Variants in LRBA observed in about 807,000 individuals in gnomAD.
LRBA encodes LPS responsive beige-like anchor protein.
Under a neutral mutation model 330.0 loss-of-function variants are expected in LRBA, and 176 were observed. That is an observed-to-expected ratio of 0.53 (90% CI 0.47 to 0.60). The LOEUF (loss-of-function observed/expected upper bound fraction) is 0.60. Ranked by LOEUF, LRBA falls within the 20% of genes least tolerant of loss-of-function variation. The probability of loss-of-function intolerance (pLI) is 0.00; values close to 1 mark genes in which losing one functional copy is unlikely to be tolerated. For missense variants in LRBA, 3,259 were observed against 3,444.8 expected, an observed-to-expected ratio of 0.95 and a Z score of 1.35; for synonymous variants, 1,230 against 1,193.0, an observed-to-expected ratio of 1.03 and a Z score of -0.64.
intron 51 of LRBA, 141 bp downstream of exon 51, chr4:150,315,420 T>C (rs2126899175): frequency 1.3e-6 from 1 of 742,804 alleles, no homozygotes; most frequent in South Asian, 1.5e-5. Context: ...CCACAGCTCA[T>C]TGCATTCCAA....
intron 22 of LRBA, among the ~76,000 whole-genome samples, chr4:150,860,634 T>C (rs1751783842): frequency 6.6e-6 from 1 of 152,114 alleles, no homozygotes; most frequent in Non-Finnish European, 1.5e-5. Context: ...GAGACCATCC[T>C]GGCTAACATG....
intron 37 of LRBA, among the ~76,000 whole-genome samples, chr4:150,668,643 T>C (rs1157623982): frequency 2.6e-5 from 4 of 152,202 alleles, no homozygotes; most frequent in African/African-American, 7.2e-5. Flanking sequence ...TTGTGTACAA[T>C]TCACAGCACA....
chr4:150,803,081 T>C (rs867108182), intron 33 of LRBA, among the ~76,000 whole-genome samples: 42 of 111,022 alleles, frequency 3.8e-4, no homozygotes, highest in African/African-American at 1.5e-3. Context: ...AAAAAATATA[T>C]ATACACACAC....
chr4:150,775,412 G>C (rs1008976211), intron 34 of LRBA, among the ~76,000 whole-genome samples: 4 of 148,104 alleles, frequency 2.7e-5, no homozygotes, highest in African/African-American at 1.0e-4. Flanking sequence ...ATCCACAAAT[G>C]TTCAATCAAC....
Position 151,014,736 on chromosome 4 carries a change from G to A in LRBA, c.-94C>T, listed in dbSNP as rs1176765632. 8.7e-6 allele frequency: 7 copies of A among 808,390 alleles called. No individual in the cohort carries two copies. Among genetic ancestry groups the A allele is most frequent in the Non-Finnish European group, 1.4e-5 (7 of 511,332 alleles). 50.1% of individuals were successfully genotyped at this position (808,390 alleles called of 1,614,324 possible). A position where few individuals can be genotyped will look rare whatever the true frequency, so the allele number is the denominator to read the frequency against. ...CAACACACGCAATGCAAAACGAAAG[G>A]GTCCCTCTTCCAACTTGTGGAGATA... On this transcript the variant is annotated 5_prime_UTR_variant, in exon 2 of 57. Transcript: ENST00000651943.
intron 16 of LRBA, among the ~76,000 whole-genome samples, chr4:150,896,038 TTG>T (rs2127113311): frequency 6.6e-6 from 1 of 152,316 alleles, no homozygotes; most frequent in South Asian, 2.1e-4. Flanking sequence ...AGTAGGAAGA[TTG>T]TGTTATGAAT....
At chr4:150,777,874 T>C (rs1238063970) in intron 34 of LRBA, among the ~76,000 whole-genome samples, 1 of 146,120 alleles carries the variant, frequency 6.8e-6, no homozygotes. Context: ...CTCAGGAGGC[T>C]GAGGCAGGAG....
intron 32 of LRBA, among the ~76,000 whole-genome samples, chr4:150,807,951 A>G (rs895364273): frequency 5.9e-5 from 9 of 152,124 alleles, no homozygotes; most frequent in Non-Finnish European, 8.8e-5. Flanking sequence ...CACCTGGCCT[A>G]TATCAGTATT....
At chr4:150,507,523 A>C (rs1761257772) in intron 40 of LRBA, among the ~76,000 whole-genome samples, 1 of 152,218 alleles carries the variant, frequency 6.6e-6, no homozygotes, top group African/African-American at 2.4e-5. Context: ...CTGGCTAGCC[A>C]TATGTAGGAA....
chr4:150,826,365 T>G (rs971051269), intron 30 of LRBA, among the ~76,000 whole-genome samples: 1 of 152,090 alleles, frequency 6.6e-6, no homozygotes, highest in Admixed American at 6.6e-5. Flanking sequence ...GGAAGAGAAG[T>G]GAGCACTAGG....
intron 47 of LRBA, among the ~76,000 whole-genome samples, chr4:150,399,903 G>C (rs943828741): frequency 3.9e-5 from 6 of 152,192 alleles, no homozygotes; most frequent in Admixed American, 2.6e-4. Flanking sequence ...TTGAACTCAG[G>C]AGGTGGAAGT....
At chr4:150,384,389 G>A (rs1057432550) in intron 47 of LRBA, among the ~76,000 whole-genome samples, 2 of 152,064 alleles carry the variant, frequency 1.3e-5, no homozygotes, top group African/African-American at 4.8e-5. Context: ...GATAAATAAA[G>A]CCTTCTTTTC....
chr4:150,283,449 G>T (rs1747792560), intron 54 of LRBA, among the ~76,000 whole-genome samples: 1 of 152,182 alleles, frequency 6.6e-6, no homozygotes, highest in Non-Finnish European at 1.5e-5. Context: ...CTTGTGTGAT[G>T]AGCAAGTTCC....
chr4:150,632,561 C>A (rs931953967), intron 37 of LRBA, among the ~76,000 whole-genome samples: 16 of 152,078 alleles, frequency 1.1e-4, no homozygotes, highest in African/African-American at 3.9e-4. Context: ...AAATTAGACA[C>A]CATTAGGCTT....
chr4:150,270,883 T>C (rs1745995581), intron 56 of LRBA, among the ~76,000 whole-genome samples: 1 of 152,232 alleles, frequency 6.6e-6, no homozygotes, highest in South Asian at 2.1e-4. Flanking sequence ...TTCAATTTTA[T>C]TTACTGATAA....
At chr4:150,443,853 A>AAAATATATATAT (rs70941406) in intron 44 of LRBA, among the ~76,000 whole-genome samples, 122 of 75,432 alleles carry the variant, frequency 1.6e-3, no homozygotes, top group Non-Finnish European at 3.2e-3. Context: ...TAATTAAAAA[A>AAAATATATATAT]ATATATATAT....
At chr4:150,839,985 C>G (rs1015101246) in intron 28 of LRBA, among the ~76,000 whole-genome samples, 6 of 151,998 alleles carry the variant, frequency 3.9e-5, no homozygotes, top group African/African-American at 1.5e-4. Context: ...ATTGCTTCAC[C>G]TTGTACTTTT....
chr4:150,589,195 T>C (rs1374829001), intron 39 of LRBA, among the ~76,000 whole-genome samples: 1 of 152,164 alleles, frequency 6.6e-6, no homozygotes, highest in African/African-American at 2.4e-5. Flanking sequence ...TGAATTAATA[T>C]AGTGCCTATA....
chr4:150,311,619 C>T (rs1731081729), intron 51 of LRBA, among the ~76,000 whole-genome samples: 1 of 152,134 alleles, frequency 6.6e-6, no homozygotes, highest in South Asian at 2.1e-4. Flanking sequence ...ACATGTGCAA[C>T]ACTGCAGAAA....
Sources: allele counts gnomAD v4.1 joint callset (sites outside exome capture counted in the v4.1 genomes callset), GRCh38; gene constraint gnomAD v4.1.1; transcripts MANE v1.5; gene names NCBI Gene and HGNC (gene_info 2026-07-23, HGNC 2026-07-21).